Variants in UTRN observed in about 807,000 individuals in gnomAD.
The protein encoded by UTRN is dystrophin-related protein 1.
Under a neutral mutation model 463.9 loss-of-function variants are expected in UTRN, and 283 were observed. The ratio of observed to expected loss-of-function variants is 0.61; its 90% CI spans 0.55 to 0.67. The LOEUF (loss-of-function observed/expected upper bound fraction) is 0.67. Among genes scored for constraint, UTRN ranks in the 30% least tolerant of loss-of-function variants. The pLI is 0.00. For missense variants in UTRN, 3,922 were observed against 4,084.3 expected (o/e 0.96, Z 1.08); for synonymous variants, 1,442 against 1,431.5 (o/e 1.01, Z -0.17).
chr6:144,459,678 C>T (rs546471954), intron 21 of UTRN, among the ~76,000 whole-genome samples: 1 of 152,164 alleles, frequency 6.6e-6, no homozygotes, highest in Admixed American at 6.5e-5. Flanking sequence ...GCAGTCTTGA[C>T]CTCCTGGGTT....
intron 2 of UTRN, among the ~76,000 whole-genome samples, chr6:144,382,183 G>A (rs534763195): frequency 9.2e-5 from 14 of 152,246 alleles, no homozygotes; most frequent in African/African-American, 3.4e-4. Flanking sequence ...AAGCTACAGC[G>A]ATGTTCTTAA....
At chr6:144,729,767 A>G (rs1788322215) in intron 53 of UTRN, among the ~76,000 whole-genome samples, 1 of 152,230 alleles carries the variant, frequency 6.6e-6, no homozygotes, top group Non-Finnish European at 1.5e-5. Context: ...ACAAAAGAAA[A>G]ATAGTAATTG....
At chr6:144,606,784 G>C (rs1804892730) in intron 51 of UTRN, among the ~76,000 whole-genome samples, 1 of 152,118 alleles carries the variant, frequency 6.6e-6, no homozygotes, top group Non-Finnish European at 1.5e-5. Flanking sequence ...TTTTATCCTG[G>C]AATTTCTGTT....
chr6:144,291,587 T>C (rs994405773), intron 1 of UTRN, 150 bp from the exon 2 acceptor site: 2 of 326,758 alleles, frequency 6.1e-6, no homozygotes, highest in Non-Finnish European at 1.1e-5. Flanking sequence ...CTATGTCTCT[T>C]GTTCATAGTC....
intron 72 of UTRN, 66 bp downstream of exon 72, chr6:144,839,350 T>C: frequency 7.4e-7 from 1 of 1,348,826 alleles, no homozygotes; most frequent in Non-Finnish European, 1.0e-6. Context: ...AGTTTGTGTT[T>C]CCTGTTAAGT....
rs769403600 is a variant in UTRN at position 144,781,952 on chromosome 6, A to C, written c.8663A>C (p.Glu2888Ala). 11 of 1,613,926 alleles carry C rather than the reference A, an allele frequency of 6.8e-6. No individual in the cohort carries two copies. Among genetic ancestry groups the C allele is most frequent in the African/African-American group, 1.3e-5 (1 of 74,926 alleles). The change falls in exon 61 of 75, where the codon GAA becomes GCA. Residue 2888 changes from glutamate (E) to alanine (A), a missense_variant. This residue lies in a region of UTRN where 1,309 missense variants were observed against 1,452.6 expected (regional missense o/e 0.90). Coordinates refer to ENST00000367545, the MANE Select transcript of UTRN (RefSeq NM_007124.3). ...LDLLELSTTN[E>A]IFKQHKLNQN... The stretch of plus-strand genomic sequence containing the variant: ...CTCTTAGAGTTGAGTACAACAAATG[A>C]AATTTTCAAACAGCACAAGTTGAAC...
At chr6:144,322,279 T>C (rs911039948) in intron 2 of UTRN, among the ~76,000 whole-genome samples, 4 of 152,206 alleles carry the variant, frequency 2.6e-5, no homozygotes, top group Non-Finnish European at 5.9e-5. Context: ...TAAATAAATA[T>C]TTTAGTTGGG....
At chr6:144,353,558 A>G (rs755060905) in intron 2 of UTRN, among the ~76,000 whole-genome samples, 3 of 151,884 alleles carry the variant, frequency 2.0e-5, no homozygotes, top group Non-Finnish European at 4.4e-5. Context: ...GTGCCTGGCT[A>G]TTTATGTTTC....
intron 39 of UTRN, 93 bp from the exon 40 acceptor site, chr6:144,521,887 T>C (rs1482545128): frequency 1.2e-6 from 1 of 841,356 alleles, no homozygotes; most frequent in African/African-American, 1.8e-5. Flanking sequence ...GATATTGCAT[T>C]CCTTCACACA....
At chr6:144,311,624 A>C (rs2114559530) in intron 2 of UTRN, 1 of 152,346 alleles carries the variant, frequency 6.6e-6, no homozygotes, top group East Asian at 1.9e-4. Flanking sequence ...CACACTGATC[A>C]CTTTCTAAGC....
intron 34 of UTRN, among the ~76,000 whole-genome samples, chr6:144,500,921 A>G (rs1231335257): frequency 6.6e-6 from 1 of 152,170 alleles, no homozygotes; most frequent in African/African-American, 2.4e-5. Flanking sequence ...GCTGAATATA[A>G]ATGATCAATA....
Position 144,782,745 on chromosome 6 carries a change from A to G in UTRN, c.8834+622A>G, listed in dbSNP as rs58299443. Among the ~76,000 whole-genome samples, 1,193 of 152,258 alleles carry G rather than the reference A, an allele frequency of 7.8e-3. 18 individuals carry two copies. Among genetic ancestry groups the G allele is most frequent in the African/African-American group, 0.026 (1,078 of 41,546 alleles). ...ATAAAGCACACTCTCAACTCCCAGC[A>G]TAACTCATTTGCCATTAATTTGGCC... On this transcript the variant is annotated intron_variant, in intron 61 of 74. Coordinates refer to ENST00000367545, the MANE Select transcript of UTRN (RefSeq NM_007124.3).
chr6:144,789,404 C>A (rs1776569259), intron 62 of UTRN, 125 bp downstream of exon 62: 1 of 796,980 alleles, frequency 1.3e-6, no homozygotes, highest in Non-Finnish European at 1.9e-6. Flanking sequence ...TTAACCCTTA[C>A]TGTGCCTATA....
chr6:144,710,942 G>T (rs1021655084), intron 53 of UTRN, among the ~76,000 whole-genome samples: 1 of 151,956 alleles, frequency 6.6e-6, no homozygotes. Flanking sequence ...TATTTTTTTC[G>T]TGTAAGTACA....
chr6:144,598,204 G>T (rs750832819), intron 51 of UTRN, among the ~76,000 whole-genome samples: 2 of 152,154 alleles, frequency 1.3e-5, no homozygotes, highest in Non-Finnish European at 2.9e-5. Context: ...GTGTAGCATG[G>T]TTTTATACAT....
chr6:144,654,669 T>C (rs1185093838), intron 51 of UTRN, among the ~76,000 whole-genome samples: 1 of 152,270 alleles, frequency 6.6e-6, no homozygotes, highest in Non-Finnish European at 1.5e-5. Context: ...GCTTGTGCTG[T>C]CAGTAGACAT....
chr6:144,572,665 G>T (rs906469609), intron 50 of UTRN, among the ~76,000 whole-genome samples: 12 of 152,172 alleles, frequency 7.9e-5, no homozygotes, highest in African/African-American at 2.6e-4. Context: ...TTATGTTCCT[G>T]TGTTAGTTTG....
chr6:144,390,944 T>G (rs1781851524), intron 2 of UTRN, among the ~76,000 whole-genome samples: 1 of 152,246 alleles, frequency 6.6e-6, no homozygotes, highest in Non-Finnish European at 1.5e-5. Flanking sequence ...AATGTTACTA[T>G]TTCTTTGTAC....
chr6:144,550,986 C>T lies in UTRN; in HGVS notation c.6832C>T (p.Gln2278Ter). 1 of 1,608,752 alleles carries T rather than the reference C, an allele frequency of 6.2e-7. No individual in the cohort carries two copies. The highest frequency in any genetic ancestry group is 8.5e-7 in the Non-Finnish European group (1 of 1,178,650). Residue 2278 changes from glutamine to a stop codon, truncating the protein, a stop_gained, in exon 48 of 75, where the codon CAG (glutamine) becomes TAG (stop). Transcript: ENST00000367545. LOFTEE classifies it high-confidence loss of function. Reference sequence around the variant, plus strand: ...ACAGATTACAAAGGCTGACTTAGAACAGCGCCATCCTCAGCTGGATTATGT... The same window carrying T: ...ACAGATTACAAAGGCTGACTTAGAATAGCGCCATCCTCAGCTGGATTATGT... ...RMKITKADLE[Q>*]RHPQLDYVFT...
Sources: gnomAD v4.1 joint callset for allele counts (sites outside exome capture counted in the v4.1 genomes callset) on GRCh38, gnomAD v4.1.1 for gene constraint, gnomAD v4.1.1 regional missense constraint, MANE v1.5 for transcripts, NCBI Gene and HGNC (gene_info 2026-07-23, HGNC 2026-07-21) for gene names.